LIG1: variants seen among roughly 807,000 people sequenced by gnomAD.
LIG1 encodes ligase I, DNA, ATP-dependent.
Under a neutral mutation model 115.7 loss-of-function variants are expected in LIG1, and 70 were observed. That is an observed-to-expected ratio of 0.60 (90% CI 0.50 to 0.74). The LOEUF is 0.74. LIG1 is among the 30% of genes least tolerant of loss of function. The pLI is 0.00. For synonymous variants in LIG1, 487 were observed against 495.3 expected (o/e 0.98, Z 0.22); for missense variants, 1,115 against 1,225.6 (o/e 0.91, Z 1.35).
At chr19:48,127,084 T>C (rs2122469488) in intron 21 of LIG1, 193 bp downstream of exon 21, 1 of 603,120 alleles carries the variant, frequency 1.7e-6, no homozygotes, top group East Asian at 2.8e-5. Flanking sequence ...AGAGGGACCT[T>C]GAAGATGTCC....
chr19:48,149,834 C>T lies in LIG1; in HGVS notation c.705G>A (p.Arg235=). ...PKTLSSFFTP[R]KPAVKKEVKE... is the part of the protein sequence containing the mutation. ...TCACTTCTTTTTTGACTGCTGGCTTCCGGGGGGCTAGGAATGAAGACAGAA... is the reference window on the plus strand; with the variant it reads ...TCACTTCTTTTTTGACTGCTGGCTTTCGGGGGGCTAGGAATGAAGACAGAA... The change falls in exon 9 of 28, where the codon CGG becomes CGA. Residue 235 remains arginine (R), a synonymous_variant. Coordinates refer to ENST00000263274, the MANE Select transcript of LIG1 (RefSeq NM_000234.3). The T allele has an allele frequency of 6.2e-7, 1 of 1,614,028 alleles. No individual in the cohort carries two copies. Among genetic ancestry groups the T allele is most frequent in the Non-Finnish European group, 8.5e-7 (1 of 1,180,000 alleles).
chr19:48,129,902 C>T (rs768057775), intron 19 of LIG1, among the ~76,000 whole-genome samples: 11 of 152,046 alleles, frequency 7.2e-5, no homozygotes, highest in Non-Finnish European at 1.2e-4. Flanking sequence ...ACTACAGGTG[C>T]GTGCCACCAC....
intron 2 of LIG1, among the ~76,000 whole-genome samples, chr19:48,163,370 C>T (rs1037900650): frequency 6.6e-6 from 1 of 151,868 alleles, no homozygotes; most frequent in Non-Finnish European, 1.5e-5. Context: ...TACAGGTGGC[C>T]GCCACCACGC....
chr19:48,165,609 G>T lies in LIG1; in HGVS notation c.-43C>A, dbSNP rs368100309. The T allele has an allele frequency of 3.7e-6, 6 of 1,613,460 alleles. No homozygotes were observed. The highest frequency in any genetic ancestry group is 5.1e-6 in the Non-Finnish European group (6 of 1,179,742). ...CCCTTCCTGTCCAGCACTTTTCTTC[G>T]TCTGTCAGCTGCTCCTGGAACAGAA... On this transcript the variant is annotated 5_prime_UTR_variant, in exon 2 of 28. Coordinates refer to ENST00000263274, the MANE Select transcript of LIG1 (RefSeq NM_000234.3).
At chr19:48,157,227 T>C in intron 4 of LIG1, 87 bp from the exon 5 acceptor site, 1 of 1,407,732 alleles carries the variant, frequency 7.1e-7, no homozygotes, top group South Asian at 1.4e-5. Flanking sequence ...GACTGAAACC[T>C]CTCTGTCTAC....
chr19:48,123,546 A>T (rs1472187161), intron 21 of LIG1: 4 of 589,056 alleles, frequency 6.8e-6, no homozygotes, highest in African/African-American at 1.9e-5. Context: ...TGACTTCAGG[A>T]GCATCAGACG....
At chr19:48,131,566 C>T (rs980880637) in intron 18 of LIG1, among the ~76,000 whole-genome samples, 1 of 152,214 alleles carries the variant, frequency 6.6e-6, no homozygotes, top group Non-Finnish European at 1.5e-5. Context: ...TCAAGAGAGC[C>T]TTCCGCCTCA....
At chr19:48,132,397 A>G (rs561194517) in intron 18 of LIG1, among the ~76,000 whole-genome samples, 1 of 152,182 alleles carries the variant, frequency 6.6e-6, no homozygotes, top group Admixed American at 6.5e-5. Flanking sequence ...GAACACACCC[A>G]CCAGCAGCAT....
chr19:48,125,754 C>G (rs1330172777), intron 21 of LIG1, among the ~76,000 whole-genome samples: 3 of 151,860 alleles, frequency 2.0e-5, no homozygotes, highest in Non-Finnish European at 2.9e-5. Flanking sequence ...CTTTGGGAGG[C>G]TGAGGTGGGC....
rs944179069 is a variant in LIG1, at chr19:48,132,960, G to A, written c.1725+22C>T. ...TTTGACGTTTTCCTGTCTGTGGAAG[G>A]GACATGTCCCACTCCCCATACCTGT... On this transcript the variant is annotated intron_variant, in intron 18 of 27. Coordinates refer to ENST00000263274, the MANE Select transcript of LIG1 (RefSeq NM_000234.3). 1.1e-5 allele frequency: 17 copies of A among 1,526,130 alleles called. No homozygotes were observed. The Admixed American group carries it at 2.8e-4, about 25-fold the overall frequency. The allele number at this position is 1,526,130 out of a possible 1,614,324, so 94.5% of individuals were successfully genotyped here. A position where few individuals can be genotyped will look rare whatever the true frequency, so the allele number is the denominator to read the frequency against.
At chr19:48,145,180 T>G (rs2035040593) in intron 9 of LIG1, among the ~76,000 whole-genome samples, 1 of 152,184 alleles carries the variant, frequency 6.6e-6, no homozygotes, top group Non-Finnish European at 1.5e-5. Flanking sequence ...ATTATAGGCA[T>G]GAGCCACTGC....
At chr19:48,156,442 G>A (rs2035843429) in intron 5 of LIG1, among the ~76,000 whole-genome samples, 2 of 152,176 alleles carry the variant, frequency 1.3e-5, no homozygotes, top group South Asian at 2.1e-4. Context: ...GCGTACACGT[G>A]TTATCTTCTA....
At chr19:48,158,391 G>A (rs988125649) in intron 4 of LIG1, among the ~76,000 whole-genome samples, 19 of 152,148 alleles carry the variant, frequency 1.2e-4, no homozygotes, top group African/African-American at 2.7e-4. Context: ...CCTGTGAGAC[G>A]GTCACATGAA....
chr19:48,119,079 T>C, intron 25 of LIG1, 58 bp downstream of exon 25: 3 of 1,366,778 alleles, frequency 2.2e-6, no homozygotes, highest in Non-Finnish European at 2.0e-6. Flanking sequence ...GGAAGGACTG[T>C]GCTGTCAGGG....
At chr19:48,168,129 T>G (rs1231192715) in intron 1 of LIG1, among the ~76,000 whole-genome samples, 3 of 152,180 alleles carry the variant, frequency 2.0e-5, no homozygotes, top group African/African-American at 4.8e-5. Flanking sequence ...CCTGCATCTA[T>G]AGTACGTTCC....
At position 48,153,949 on chromosome 19, in the gene LIG1, T is replaced by C. The variant is rs1431883194; in HGVS notation, c.389A>G (p.Lys130Arg). 6.2e-7 allele frequency: 1 copy of C among 1,613,850 alleles called. No homozygotes were observed. Among genetic ancestry groups the C allele is most frequent in the South Asian group, 1.1e-5 (1 of 91,054 alleles). ...KRRTARKQLP[K>R]RTIQEVLEEQ... ...TTCCAGGACTTCCTGAATGGTCCGT[T>C]TCGGGAGCTGCTTCCGAGCTGGGGA... Residue 130 changes from lysine (K) to arginine (R), a missense_variant, in exon 6 of 28, where the codon AAA becomes AGA. Coordinates refer to ENST00000263274, the MANE Select transcript of LIG1 (RefSeq NM_000234.3).
intron 16 of LIG1, among the ~76,000 whole-genome samples, chr19:48,135,209 T>G (rs898395495): frequency 6.6e-6 from 1 of 152,204 alleles, no homozygotes; most frequent in African/African-American, 2.4e-5. Flanking sequence ...TGGCGTGATC[T>G]CAGCTCACTG....
At chr19:48,159,842 C>T (rs1485479489) in intron 4 of LIG1, among the ~76,000 whole-genome samples, 6 of 152,132 alleles carry the variant, frequency 3.9e-5, no homozygotes, top group East Asian at 3.9e-4. Context: ...CTCATCCTCC[C>T]GAGTAGCTGG....
At chr19:48,126,088 C>T (rs2033649554) in intron 21 of LIG1, among the ~76,000 whole-genome samples, 1 of 152,030 alleles carries the variant, frequency 6.6e-6, no homozygotes, top group Admixed American at 6.5e-5. Context: ...CACCCCTATC[C>T]CACTGTTTAG....
Sources: allele counts gnomAD v4.1 joint callset (sites outside exome capture counted in the v4.1 genomes callset), GRCh38; gene constraint gnomAD v4.1.1; transcripts MANE v1.5; gene names NCBI Gene and HGNC (gene_info 2026-07-23, HGNC 2026-07-21).